The following SUPT3H variants were observed in gnomAD, a reference collection of about 807,000 sequenced individuals.
SUPT3H encodes SPT3 homolog, SAGA and STAGA complex component, also known as transcription initiation protein SPT3 homolog.
Under a neutral mutation model 44.3 loss-of-function variants are expected in SUPT3H, and 44 were observed. The ratio of observed to expected loss-of-function variants is 0.99; its 90% CI spans 0.78 to 1.28. SUPT3H has a LOEUF of 1.28. SUPT3H is among the 50% of genes most tolerant of loss of function. SUPT3H has a pLI of 0.00. For synonymous variants in SUPT3H, 124 were observed against 125.6 expected (o/e 0.99, Z 0.09); for missense variants, 380 against 387.1 (o/e 0.98, Z 0.15).
rs116261073 is a variant in SUPT3H, at chr6:45,318,149, T to C, written c.101+47052A>G. On this transcript the variant is annotated intron_variant, in intron 2 of 10. Transcript: ENST00000371459. Reference sequence around the variant, plus strand: ...ACTATAGACAGAGTAAAAAGATCCGTTGTCACAATGGTTAAGATAGTAAAT... The same window carrying C: ...ACTATAGACAGAGTAAAAAGATCCGCTGTCACAATGGTTAAGATAGTAAAT... 2.5e-3 allele frequency among the ~76,000 whole-genome samples: 387 copies of C among 152,192 alleles called. 3 individuals carry two copies. The highest frequency in any genetic ancestry group is 8.5e-3 in the African/African-American group (353 of 41,524).
In SUPT3H at chr6:44,910,484, G is replaced by T. The variant is rs553101778; in HGVS notation, c.912+22169C>A. On this transcript the variant is annotated intron_variant, in intron 10 of 10. Transcript: ENST00000371459. The stretch of plus-strand genomic sequence containing the variant: ...CCCTTACTTACTTCATGGGATTTAA[G>T]TAACTTTTCCAGAAATAACAACAAA... 5.4e-4 allele frequency among the ~76,000 whole-genome samples: 82 copies of T among 152,168 alleles called. 1 individual carries two copies. In the South Asian group the frequency reaches 0.017, roughly 31 times the overall value.
chr6:45,152,541 G>A (rs1017061745), intron 2 of SUPT3H, among the ~76,000 whole-genome samples: 2 of 152,148 alleles, frequency 1.3e-5, no homozygotes, highest in Non-Finnish European at 2.9e-5. Context: ...GCCCAGGCTA[G>A]AGTGCAGTAG....
chr6:45,051,198 G>GGGAGTTTAA (rs1209217320), intron 3 of SUPT3H, among the ~76,000 whole-genome samples: 12 of 152,098 alleles, frequency 7.9e-5, no homozygotes, highest in South Asian at 6.2e-4. Flanking sequence ...CTGAGGGTAT[G>GGGAGTTTAA]GGAGTTTAAG....
At chr6:44,978,700 T>C (rs1778680652) in intron 6 of SUPT3H, among the ~76,000 whole-genome samples, 1 of 152,148 alleles carries the variant, frequency 6.6e-6, no homozygotes, top group East Asian at 1.9e-4. Flanking sequence ...TTCTAAGTAA[T>C]AGAATAATAG....
chr6:45,261,013 T>C (rs1774270143), intron 2 of SUPT3H, among the ~76,000 whole-genome samples: 1 of 152,064 alleles, frequency 6.6e-6, no homozygotes, highest in Non-Finnish European at 1.5e-5. Context: ...CTGATGTTTA[T>C]AACTGAAAAT....
chr6:45,018,625 C>T (rs1172557601), intron 4 of SUPT3H, among the ~76,000 whole-genome samples: 11 of 151,764 alleles, frequency 7.2e-5, no homozygotes, highest in Admixed American at 1.3e-4. Context: ...TTGTCTTTGG[C>T]TCTGTTTATA....
chr6:45,296,738 C>CAAAAA lies in SUPT3H; in HGVS notation c.101+68458_101+68462dup, dbSNP rs60921436. Among the ~76,000 whole-genome samples the CAAAAA allele has an allele frequency of 8.4e-4, 25 of 29,698 alleles. 2 individuals carry two copies. Among genetic ancestry groups the CAAAAA allele is most frequent in the South Asian group, 6.2e-3 (2 of 322 alleles). 19.5% of individuals were successfully genotyped at this position (29,698 alleles called of 152,430 possible). Reference sequence around the variant, plus strand: ...TGGCCAACAGAGTAAGACTCTGTCTCAAAAAAAAAAAAAAAAAAAAAAAAA... The same window carrying CAAAAA: ...TGGCCAACAGAGTAAGACTCTGTCTCAAAAAAAAAAAAAAAAAAAAAAAAAAAAAA... On this transcript the variant is annotated intron_variant, in intron 2 of 10. Coordinates refer to ENST00000371459, the MANE Select transcript of SUPT3H (RefSeq NM_003599.4).
At chr6:45,223,386 T>C (rs989329091) in intron 2 of SUPT3H, among the ~76,000 whole-genome samples, 6 of 152,084 alleles carry the variant, frequency 3.9e-5, no homozygotes, top group African/African-American at 9.6e-5. Context: ...AAAAGTTTAA[T>C]TTTAAATAAC....
intron 2 of SUPT3H, among the ~76,000 whole-genome samples, chr6:45,140,554 C>G (rs1011794307): frequency 3.3e-5 from 5 of 152,212 alleles, no homozygotes; most frequent in African/African-American, 1.2e-4. Flanking sequence ...GGTCCTGAGT[C>G]TGTCCACAGA....
intron 10 of SUPT3H, among the ~76,000 whole-genome samples, chr6:44,867,924 C>T (rs984215887): frequency 6.6e-6 from 1 of 151,240 alleles, no homozygotes; most frequent in Non-Finnish European, 1.5e-5. Flanking sequence ...TCCTCCTTCT[C>T]TTTTTCTATC....
At chr6:44,994,512 G>C (rs1439106395) in intron 6 of SUPT3H, among the ~76,000 whole-genome samples, 2 of 152,072 alleles carry the variant, frequency 1.3e-5, no homozygotes, top group South Asian at 4.1e-4. Context: ...CAGAGATCCA[G>C]GGTTTTGCTG....
At chr6:44,964,462 C>T (rs1293748304) in intron 6 of SUPT3H, among the ~76,000 whole-genome samples, 1 of 152,166 alleles carries the variant, frequency 6.6e-6, no homozygotes, top group East Asian at 1.9e-4. Context: ...TATATGCTTA[C>T]ATAGCTGATG....
chr6:44,902,794 A>C (rs999934123), intron 10 of SUPT3H, among the ~76,000 whole-genome samples: 4 of 152,222 alleles, frequency 2.6e-5, no homozygotes, highest in East Asian at 3.8e-4. Flanking sequence ...AACACTCCTC[A>C]GCAAATGCAA....
chr6:45,307,196 G>A (rs1783169700), intron 2 of SUPT3H, among the ~76,000 whole-genome samples: 1 of 152,188 alleles, frequency 6.6e-6, no homozygotes, highest in African/African-American at 2.4e-5. Flanking sequence ...CTGGGGGCAG[G>A]GCATAGCCAA....
Position 45,030,227 on chromosome 6 carries a change from T to C in SUPT3H, c.187-9595A>G, listed in dbSNP as rs75852426. On this transcript the variant is annotated intron_variant, in intron 3 of 10. Coordinates refer to ENST00000371459, the MANE Select transcript of SUPT3H (RefSeq NM_003599.4). ...CCTTTGGTAACTCAGTAACTGGAAA[T>C]TGATGTATTTTTGAAGTCTAAGAAA... Among the ~76,000 whole-genome samples, 761 of 152,336 alleles carry C rather than the reference T, an allele frequency of 5.0e-3. 27 individuals are homozygous for C. Among genetic ancestry groups the C allele is most frequent in the East Asian group, 4.8e-3 (25 of 5,190 alleles).
chr6:45,041,627 CAG>C (rs1318783363), intron 3 of SUPT3H, among the ~76,000 whole-genome samples: 3 of 152,102 alleles, frequency 2.0e-5, no homozygotes, highest in Non-Finnish European at 4.4e-5. Context: ...GCTTTTGAAA[CAG>C]AAATTTCCAG....
At chr6:45,235,804 G>C (rs1269715918) in intron 2 of SUPT3H, among the ~76,000 whole-genome samples, 1 of 152,146 alleles carries the variant, frequency 6.6e-6, no homozygotes, top group African/African-American at 2.4e-5. Context: ...CTGCAGCACT[G>C]TGACATGTTC....
chr6:44,993,693 C>T (rs543726471), intron 6 of SUPT3H, among the ~76,000 whole-genome samples: 17 of 152,208 alleles, frequency 1.1e-4, no homozygotes, highest in African/African-American at 2.9e-4. Context: ...GACATTAATC[C>T]TGCACTGTGC....
intron 2 of SUPT3H, among the ~76,000 whole-genome samples, chr6:45,242,987 G>A (rs79149040): frequency 0.029 from 4,462 of 152,108 alleles, 89 homozygotes; most frequent in Non-Finnish European, 0.047. Context: ...TTGAGGTCAG[G>A]ATTTAGGACC....
Sources: allele counts gnomAD v4.1 joint callset (sites outside exome capture counted in the v4.1 genomes callset), GRCh38; gene constraint gnomAD v4.1.1; transcripts MANE v1.5; gene names NCBI Gene and HGNC (gene_info 2026-07-23, HGNC 2026-07-21).